Variants in SAMD12 observed in about 807,000 individuals in gnomAD.
The protein encoded by SAMD12 is sterile alpha motif domain-containing protein 12.
In SAMD12, 9 loss-of-function variants were observed where a neutral mutation model predicts 15.0. The ratio of observed to expected loss-of-function variants is 0.60; its 90% CI spans 0.36 to 1.05. The LOEUF (loss-of-function observed/expected upper bound fraction) is 1.05, where lower values mean the gene tolerates loss of function less well. Among genes scored for constraint, SAMD12 ranks in the 50% least tolerant of loss-of-function variants. SAMD12 has a pLI of 0.01. For missense variants in SAMD12, 230 were observed against 234.2 expected (o/e 0.98, Z 0.12); for synonymous variants, 86 against 90.1 (o/e 0.96, Z 0.25).
At chr8:118,147,175 C>G in the SAMD12 span, among the ~76,000 whole-genome samples, 1 of 151,902 alleles carries the variant, frequency 6.6e-6, no homozygotes, top group Non-Finnish European at 1.5e-5. Context: ...CAGGCACACA[C>G]CACCATACCT....
chr8:118,469,990 T>C lies in SAMD12; in HGVS notation c.193-30029A>G, dbSNP rs1237540452. Among the ~76,000 whole-genome samples, 5 of 152,200 alleles carry C rather than the reference T, an allele frequency of 3.3e-5. No homozygotes were observed. The South Asian group carries it at 1.0e-3, about 31-fold the overall frequency. ...GACATGGATACCATAATTTTATATA[T>C]ACACACGCACATACATATATATGTA... is the stretch of plus-strand genomic sequence containing the variant. On this transcript the variant is annotated intron_variant, in intron 2 of 3. Coordinates refer to ENST00000314727, the MANE Select transcript of SAMD12 (RefSeq NM_207506.3).
chr8:118,407,638 T>C (rs1272009468), intron 3 of SAMD12, among the ~76,000 whole-genome samples: 2 of 152,220 alleles, frequency 1.3e-5, no homozygotes, highest in Non-Finnish European at 2.9e-5. Context: ...TCCTCCTCTT[T>C]GACAAATGTC....
the SAMD12 span, among the ~76,000 whole-genome samples, chr8:118,158,206 A>C: frequency 6.6e-6 from 1 of 152,250 alleles, no homozygotes; most frequent in African/African-American, 2.4e-5. Flanking sequence ...ATATGCACGT[A>C]AGGACATTAC....
chr8:118,412,838 G>A (rs1821479770), intron 3 of SAMD12, among the ~76,000 whole-genome samples: 1 of 152,152 alleles, frequency 6.6e-6, no homozygotes. Context: ...TGCAGCAATA[G>A]GTAGCTGAAA....
chr8:118,422,983 G>A (rs1040540227), intron 3 of SAMD12, among the ~76,000 whole-genome samples: 1 of 152,108 alleles, frequency 6.6e-6, no homozygotes, highest in Non-Finnish European at 1.5e-5. Flanking sequence ...CGACCAGCCT[G>A]GGCAACACGG....
chr8:118,240,261 G>A (rs562740215), intron 4 of SAMD12, among the ~76,000 whole-genome samples: 2 of 152,258 alleles, frequency 1.3e-5, no homozygotes, highest in African/African-American at 2.4e-5. Flanking sequence ...TGACTGCAAC[G>A]TCAAGAAAGA....
intron 3 of SAMD12, among the ~76,000 whole-genome samples, chr8:118,391,238 C>T (rs542975104): frequency 6.6e-6 from 1 of 152,244 alleles, no homozygotes; most frequent in Admixed American, 6.5e-5. Flanking sequence ...ATTTTTCAAG[C>T]AAAGAAGTCT....
chr8:118,171,039 A>G, the SAMD12 span, among the ~76,000 whole-genome samples: 2 of 152,350 alleles, frequency 1.3e-5, no homozygotes, highest in East Asian at 3.9e-4. Flanking sequence ...TCTCCAAGGA[A>G]AATATACAAA....
intron 4 of SAMD12, among the ~76,000 whole-genome samples, chr8:118,346,086 G>A (rs746656034): frequency 2.6e-5 from 4 of 152,296 alleles, no homozygotes; most frequent in East Asian, 1.9e-4. Context: ...CATAATTATC[G>A]AGGGATGTCA....
exon 5 of SAMD12, chr8:118,197,491 G>T (rs1819598060): frequency 3.3e-6 from 2 of 597,658 alleles, no homozygotes; most frequent in Admixed American, 5.9e-5. Flanking sequence ...CTTGGAATGA[G>T]TTGGCATTAT....
chr8:118,215,182 A>C (rs1449060794), intron 4 of SAMD12, among the ~76,000 whole-genome samples: 1 of 152,222 alleles, frequency 6.6e-6, no homozygotes, highest in Admixed American at 6.5e-5. Flanking sequence ...CTGTAGGACA[A>C]ATCCAGCCCA....
intron 2 of SAMD12, among the ~76,000 whole-genome samples, chr8:118,490,493 G>A (rs1013766143): frequency 6.6e-6 from 1 of 152,146 alleles, no homozygotes; most frequent in Non-Finnish European, 1.5e-5. Context: ...AATAAAGCCA[G>A]GATAGTCTTT....
intron 4 of SAMD12, chr8:118,288,370 T>C (rs1030957578): frequency 6.6e-6 from 1 of 152,182 alleles, no homozygotes; most frequent in Non-Finnish European, 1.5e-5. Flanking sequence ...AACTGTCTGT[T>C]ATGATCTTTG....
At chr8:118,487,689 T>C (rs1453822579) in intron 2 of SAMD12, among the ~76,000 whole-genome samples, 3 of 152,236 alleles carry the variant, frequency 2.0e-5, no homozygotes, top group African/African-American at 7.2e-5. Context: ...AGTTAGGGAT[T>C]ATTGGTCCCT....
At chr8:118,163,011 G>T in the SAMD12 span, among the ~76,000 whole-genome samples, 1 of 152,096 alleles carries the variant, frequency 6.6e-6, no homozygotes, top group Non-Finnish European at 1.5e-5. Flanking sequence ...GATTTTGAGG[G>T]GTTAAGTATT....
chr8:118,567,855 T>C (rs1826893427), intron 2 of SAMD12, among the ~76,000 whole-genome samples: 2 of 152,234 alleles, frequency 1.3e-5, no homozygotes, highest in African/African-American at 4.8e-5. Context: ...AGCAAAATCC[T>C]TCCAGTTTGT....
At chr8:118,247,646 G>A (rs993163306) in intron 4 of SAMD12, among the ~76,000 whole-genome samples, 3 of 151,872 alleles carry the variant, frequency 2.0e-5, no homozygotes, top group East Asian at 3.9e-4. Context: ...AAGCTGGAGT[G>A]CAGTGGCATG....
intron 2 of SAMD12, among the ~76,000 whole-genome samples, chr8:118,494,349 G>T (rs1824539299): frequency 6.6e-6 from 1 of 152,184 alleles, no homozygotes; most frequent in African/African-American, 2.4e-5. Flanking sequence ...TATCCACTAT[G>T]TGTGTGGCAA....
exon 5 of SAMD12, chr8:118,191,290 T>C (rs894218506): frequency 2.6e-5 from 4 of 152,082 alleles, no homozygotes; most frequent in African/African-American, 9.7e-5. Flanking sequence ...CATCTTTCTA[T>C]TGGTGGAAGA....
Sources: allele counts gnomAD v4.1 joint callset (sites outside exome capture counted in the v4.1 genomes callset), GRCh38; gene constraint gnomAD v4.1.1; transcripts MANE v1.5; gene names NCBI Gene and HGNC (gene_info 2026-07-23, HGNC 2026-07-21).